GK3: variants seen among roughly 807,000 people sequenced by gnomAD.
The protein encoded by GK3 is glycerol kinase 3, also known as glycerol kinase 3 pseudogene.
At chr4:165,278,188 C>T in the GK3 span, 5 of 1,304,664 alleles carry the variant, frequency 3.8e-6, no homozygotes, top group Admixed American at 8.4e-5. Flanking sequence ...GAGGTTCAAA[C>T]CGCTCCATCG....
At chr4:165,279,175 G>T in the GK3 span, 1 of 1,595,130 alleles carries the variant, frequency 6.3e-7, no homozygotes. Context: ...CATTGTCGAG[G>T]AGCCAGCGAA....
the GK3 span, chr4:165,279,182 C>T: frequency 1.6e-5 from 26 of 1,581,880 alleles, no homozygotes; most frequent in African/African-American, 1.2e-4. Flanking sequence ...GAGGAGCCAG[C>T]GAAGTTTCAC....
the GK3 span, chr4:165,279,323 A>G: frequency 6.4e-7 from 1 of 1,562,334 alleles, no homozygotes; most frequent in Non-Finnish European, 8.8e-7. Context: ...AGCATTGTAG[A>G]GAGGCTCTCC....
At chr4:165,278,311 T>C in the GK3 span, 4 of 1,087,944 alleles carry the variant, frequency 3.7e-6, no homozygotes, top group Non-Finnish European at 5.7e-6. Context: ...GCTTCACTAC[T>C]GGAATATACA....
chr4:165,278,534 T>A, the GK3 span: 1 of 1,609,848 alleles, frequency 6.2e-7, no homozygotes, highest in Non-Finnish European at 8.5e-7. Context: ...GGGCTCCCAA[T>A]AAGGTGCATA....
chr4:165,278,843 A>G, the GK3 span: 1 of 1,535,492 alleles, frequency 6.5e-7, no homozygotes, highest in African/African-American at 1.4e-5. Context: ...CTGGAAGCAC[A>G]TTTGTCCCAC....
chr4:165,278,474 T>C, the GK3 span: 22 of 1,579,936 alleles, frequency 1.4e-5, no homozygotes, highest in Non-Finnish European at 1.9e-5. Context: ...AAAAGCAATA[T>C]GGCATTTATT....
At chr4:165,278,967 T>C in the GK3 span, 1,158 of 1,496,664 alleles carry the variant, frequency 7.7e-4, 11 homozygotes, top group African/African-American at 0.013. Context: ...AGAATTTCCA[T>C]TGGAATTCCA....
the GK3 span, chr4:165,279,346 C>G: frequency 6.3e-7 from 1 of 1,579,278 alleles, no homozygotes; most frequent in Non-Finnish European, 8.7e-7. Context: ...TTATCTTGTC[C>G]CAGACTACGG....
At chr4:165,278,035 C>T in the GK3 span, 1 of 1,501,416 alleles carries the variant, frequency 6.7e-7, no homozygotes, top group African/African-American at 1.4e-5. Flanking sequence ...CCATGCTACT[C>T]ACTATAAAAA....
chr4:165,279,042 C>A, the GK3 span: 3 of 1,503,746 alleles, frequency 2.0e-6, no homozygotes, highest in Non-Finnish European at 2.8e-6. Context: ...GTCCTACTTG[C>A]ATTTGTTACA....
the GK3 span, chr4:165,279,700 C>CGGGAGG: frequency 2.6e-6 from 3 of 1,145,574 alleles, no homozygotes; most frequent in South Asian, 1.2e-5. Context: ...GTGACGGCGG[C>CGGGAGG]GGGAGGGGGA....
the GK3 span, chr4:165,278,409 G>A: frequency 1.0e-5 from 14 of 1,386,956 alleles, no homozygotes; most frequent in South Asian, 9.3e-5. Flanking sequence ...CCACAGTCTC[G>A]ATTCATGGCA....
chr4:165,278,495 G>A, the GK3 span: 6 of 1,597,874 alleles, frequency 3.8e-6, no homozygotes, highest in Admixed American at 1.7e-5. Context: ...CGTGAATTGA[G>A]TGAGTCCACA....
At chr4:165,279,175 G>A in the GK3 span, 1 of 1,595,130 alleles carries the variant, frequency 6.3e-7, no homozygotes, top group Non-Finnish European at 8.6e-7. Context: ...CATTGTCGAG[G>A]AGCCAGCGAA....
chr4:165,279,167 T>C, the GK3 span: 1 of 1,599,124 alleles, frequency 6.3e-7, no homozygotes, highest in Non-Finnish European at 8.6e-7. Context: ...TTTTCTCACA[T>C]TGTCGAGGAG....
the GK3 span, chr4:165,279,124 A>G: frequency 1.2e-6 from 2 of 1,600,214 alleles, no homozygotes; most frequent in Admixed American, 3.3e-5. Flanking sequence ...TAGTCCCAAA[A>G]AGAGCTCGTT....
chr4:165,279,206 G>C, the GK3 span: 3 of 1,546,872 alleles, frequency 1.9e-6, no homozygotes, highest in African/African-American at 1.4e-5. Context: ...ACTGAAGTAA[G>C]TGCTAAGTGG....
chr4:165,277,887 G>A, the GK3 span: 1 of 838,150 alleles, frequency 1.2e-6, no homozygotes. Context: ...TAAAATCAAA[G>A]TCTATGAATA....
Sources: gnomAD v4.1 joint callset for allele counts on GRCh38, gnomAD v4.1.1 for gene constraint, MANE v1.5 for transcripts, NCBI Gene and HGNC (gene_info 2026-07-23, HGNC 2026-07-21) for gene names.